Variants in CCBE1 observed in about 807,000 individuals in gnomAD.
CCBE1 encodes the protein collagen and calcium binding EGF domains 1.
A neutral mutation model predicts 50.0 loss-of-function variants in CCBE1; 37 were observed. The observed-to-expected ratio is 0.74, with a 90% CI of 0.57 to 0.97. The LOEUF (loss-of-function observed/expected upper bound fraction) is 0.97. CCBE1 is among the 50% of genes least tolerant of loss of function. CCBE1 has a pLI of 0.00. For synonymous variants in CCBE1, 234 were observed against 203.7 expected (o/e 1.15, Z -1.27); for missense variants, 538 against 523.8 (o/e 1.03, Z -0.26).
At chr18:59,492,927 C>T (rs1568169242) in intron 2 of CCBE1, among the ~76,000 whole-genome samples, 1 of 152,122 alleles carries the variant, frequency 6.6e-6, no homozygotes, top group Non-Finnish European at 1.5e-5. Flanking sequence ...TGTAAATTAC[C>T]CAATGTGAAA....
intron 2 of CCBE1, among the ~76,000 whole-genome samples, chr18:59,599,156 T>C (rs1340551765): frequency 2.0e-5 from 3 of 151,974 alleles, no homozygotes; most frequent in Non-Finnish European, 4.4e-5. Flanking sequence ...TTGAGTCATA[T>C]AGAAAGAATG....
intron 2 of CCBE1, among the ~76,000 whole-genome samples, chr18:59,635,540 A>C (rs2144634987): frequency 6.6e-6 from 1 of 152,252 alleles, no homozygotes; most frequent in South Asian, 2.1e-4. Context: ...CAAAATACTG[A>C]TTAAAAATCA....
At chr18:59,657,392 G>A (rs920158873) in intron 2 of CCBE1, among the ~76,000 whole-genome samples, 2 of 152,184 alleles carry the variant, frequency 1.3e-5, no homozygotes, top group Admixed American at 1.3e-4. Context: ...TAGAGATCCC[G>A]AAGACCAACG....
intron 2 of CCBE1, among the ~76,000 whole-genome samples, chr18:59,560,934 G>A (rs554878029): frequency 2.2e-4 from 34 of 152,248 alleles, no homozygotes; most frequent in Non-Finnish European, 3.5e-4. Context: ...GAGACCTGTA[G>A]TCCTAATGCA....
intron 2 of CCBE1, among the ~76,000 whole-genome samples, chr18:59,502,734 A>G (rs1913683097): frequency 6.6e-6 from 1 of 152,096 alleles, no homozygotes; most frequent in Non-Finnish European, 1.5e-5. Flanking sequence ...CATAAATTCC[A>G]TTGCAGAAAG....
At chr18:59,441,758 A>C (rs1378709895) in intron 7 of CCBE1, among the ~76,000 whole-genome samples, 1 of 152,220 alleles carries the variant, frequency 6.6e-6, no homozygotes, top group Non-Finnish European at 1.5e-5. Flanking sequence ...GACTGCTCCC[A>C]GCTGAGCAAA....
intron 2 of CCBE1, among the ~76,000 whole-genome samples, chr18:59,625,153 C>T (rs141561259): frequency 6.2e-4 from 95 of 152,244 alleles, no homozygotes; most frequent in African/African-American, 1.9e-3. Context: ...AGCCATAGGC[C>T]GGGCGTGGTG....
intron 2 of CCBE1, among the ~76,000 whole-genome samples, chr18:59,577,399 T>C (rs2053014348): frequency 6.6e-6 from 1 of 152,196 alleles, no homozygotes; most frequent in Admixed American, 6.5e-5. Context: ...GAAAGCCCCC[T>C]GGAAAGACAC....
chr18:59,602,981 A>G (rs1321551383), intron 2 of CCBE1, among the ~76,000 whole-genome samples: 1 of 152,226 alleles, frequency 6.6e-6, no homozygotes, highest in East Asian at 1.9e-4. Context: ...TGCAGTGACA[A>G]TACCAACCTC....
chr18:59,596,435 C>T (rs954623972), intron 2 of CCBE1, among the ~76,000 whole-genome samples: 3 of 152,008 alleles, frequency 2.0e-5, no homozygotes, highest in Non-Finnish European at 4.4e-5. Context: ...TTTTTCAATA[C>T]CTAGATCATT....
intron 2 of CCBE1, among the ~76,000 whole-genome samples, chr18:59,583,858 G>A (rs2053132875): frequency 6.6e-6 from 1 of 152,136 alleles, no homozygotes; most frequent in African/African-American, 2.4e-5. Flanking sequence ...ATGTTGAAAT[G>A]TAATCCTCTG....
At chr18:59,583,826 T>C (rs532759954) in intron 2 of CCBE1, among the ~76,000 whole-genome samples, 2 of 152,314 alleles carry the variant, frequency 1.3e-5, no homozygotes, top group East Asian at 1.9e-4. Flanking sequence ...ATGGTTTGGA[T>C]CTGTGTCCCT....
intron 2 of CCBE1, among the ~76,000 whole-genome samples, chr18:59,509,010 A>G (rs984800435): frequency 1.3e-5 from 2 of 152,170 alleles, no homozygotes; most frequent in Non-Finnish European, 2.9e-5. Context: ...TATGGTCCCT[A>G]TTCTCATTTA....
intron 2 of CCBE1, among the ~76,000 whole-genome samples, chr18:59,518,031 G>C (rs1275815011): frequency 1.3e-5 from 2 of 151,978 alleles, no homozygotes; most frequent in Non-Finnish European, 2.9e-5. Context: ...GAGGAAACTT[G>C]CACCCATTCC....
In CCBE1 at chr18:59,512,605, G is replaced by A. The variant is rs183184679; in HGVS notation, c.213-32367C>T. Among the ~76,000 whole-genome samples the A allele has an allele frequency of 5.2e-3, 799 of 152,350 alleles. 6 individuals are homozygous for A. Among genetic ancestry groups the A allele is most frequent in the African/African-American group, 0.018 (734 of 41,580 alleles). ...GACAGAGAGGCACGAAGTGCTGAGC[G>A]CCTTCCTGTGGTGCTGGCAGGCCCA... is the stretch of plus-strand genomic sequence containing the variant. On this transcript the variant is annotated intron_variant, in intron 2 of 10. Transcript: ENST00000439986.
chr18:59,547,069 G>GAGGGGGACAT (rs1915722645), intron 2 of CCBE1, among the ~76,000 whole-genome samples: 1 of 116,518 alleles, frequency 8.6e-6, no homozygotes, highest in Non-Finnish European at 1.8e-5. Flanking sequence ...GAGGGGGAGA[G>GAGGGGGACAT]AGGGGGAGAG....
At chr18:59,538,564 T>C (rs370050938) in intron 2 of CCBE1, among the ~76,000 whole-genome samples, 1 of 152,182 alleles carries the variant, frequency 6.6e-6, no homozygotes, top group African/African-American at 2.4e-5. Flanking sequence ...TGTATTTCAC[T>C]GTGGGAATTA....
At chr18:59,553,508 T>C (rs1472768494) in intron 2 of CCBE1, among the ~76,000 whole-genome samples, 1 of 152,188 alleles carries the variant, frequency 6.6e-6, no homozygotes, top group East Asian at 1.9e-4. Flanking sequence ...TGAATGGATA[T>C]GGAGTCGTAG....
chr18:59,525,515 G>T (rs1226458409), intron 2 of CCBE1, among the ~76,000 whole-genome samples: 1 of 152,118 alleles, frequency 6.6e-6, no homozygotes, highest in Non-Finnish European at 1.5e-5. Flanking sequence ...TCGTTAGATG[G>T]ACAGATTGCA....
Sources: allele counts gnomAD v4.1 joint callset (sites outside exome capture counted in the v4.1 genomes callset), GRCh38; gene constraint gnomAD v4.1.1; transcripts MANE v1.5; gene names NCBI Gene and HGNC (gene_info 2026-07-23, HGNC 2026-07-21).